The following LARGE1 variants were observed in gnomAD, a reference collection of about 807,000 sequenced individuals.
LARGE1 encodes the protein LARGE xylosyl- and glucuronyltransferase 1.
A neutral mutation model predicts 87.6 loss-of-function variants in LARGE1; 43 were observed. The observed-to-expected ratio is 0.49, with a 90% CI of 0.38 to 0.63. The LOEUF (loss-of-function observed/expected upper bound fraction) is 0.63. LARGE1 is among the 30% of genes least tolerant of loss of function. The pLI is 0.00. For synonymous variants in LARGE1, 434 were observed against 394.6 expected, an observed-to-expected ratio of 1.10 and a Z score of -1.18; for missense variants, 802 against 1,000.2, an observed-to-expected ratio of 0.80 and a Z score of 2.67.
At position 33,841,473 on chromosome 22, in the gene LARGE1, G is replaced by A. The variant is rs1416957157; in HGVS notation, c.-83+78522C>T. 3.3e-5 allele frequency among the ~76,000 whole-genome samples: 5 copies of A among 152,178 alleles called. 1 individual carries two copies. In the South Asian group the frequency reaches 8.3e-4, roughly 25 times the overall value. On this transcript the variant is annotated intron_variant, in intron 1 of 14. Coordinates refer to ENST00000397394, the MANE Select transcript of LARGE1 (RefSeq NM_133642.5). ...ATCCACACGGACTTCATACTCAGATGCCATGCAGTAGCAAGACAGCTACTA... is the reference window on the plus strand; with the variant it reads ...ATCCACACGGACTTCATACTCAGATACCATGCAGTAGCAAGACAGCTACTA...
intron 11 of LARGE1, among the ~76,000 whole-genome samples, chr22:33,196,049 C>T (rs1006240766): frequency 6.6e-6 from 1 of 150,570 alleles, no homozygotes; most frequent in African/African-American, 2.4e-5. Context: ...TGAGCCACCA[C>T]ACCTGGCCTA....
intron 11 of LARGE1, among the ~76,000 whole-genome samples, chr22:33,235,426 A>T (rs1926204817): frequency 6.6e-6 from 1 of 152,206 alleles, no homozygotes; most frequent in Non-Finnish European, 1.5e-5. Context: ...ATTTGGACAA[A>T]AGGAAGAGTT....
intron 7 of LARGE1, among the ~76,000 whole-genome samples, chr22:33,414,037 A>G (rs1569142967): frequency 6.6e-6 from 1 of 152,168 alleles, no homozygotes; most frequent in South Asian, 2.1e-4. Flanking sequence ...TCTGATCTCA[A>G]TTCTTTTGGA....
chr22:33,757,490 GCTC>G (rs2084561498), intron 2 of LARGE1, among the ~76,000 whole-genome samples: 1 of 152,142 alleles, frequency 6.6e-6, no homozygotes, highest in Admixed American at 6.5e-5. Flanking sequence ...AGATCATCCA[GCTC>G]CTCTGGCTGA....
chr22:33,273,602 G>A lies in LARGE1; in HGVS notation c.*825C>T. On this transcript the variant is annotated 3_prime_UTR_variant, in exon 15 of 15. Transcript: ENST00000397394. ...CGCTATAGCCCCTGGATTCTGGAGA[G>A]TAGGGAGTTCAAAGTCACGGGAGCC... The A allele has an allele frequency of 5.0e-6, 2 of 398,800 alleles. No individual in the cohort carries two copies. Among genetic ancestry groups the A allele is most frequent in the Non-Finnish European group, 8.8e-6 (2 of 226,256 alleles). 24.7% of individuals were successfully genotyped at this position (398,800 alleles called of 1,614,324 possible).
rs1410598713 is a variant in LARGE1 at position 33,785,253 on chromosome 22, G to GTGTATA, written c.-82-23696_-82-23695insTATACA. On this transcript the variant is annotated intron_variant, in intron 1 of 14. Coordinates refer to ENST00000397394, the MANE Select transcript of LARGE1 (RefSeq NM_133642.5). ...TGTATACATACATATGTGTATATAT[G>GTGTATA]CATGTGTATATGTGCATATGTGTAT... Among the ~76,000 whole-genome samples the GTGTATA allele has an allele frequency of 7.5e-5, 11 of 146,444 alleles. No homozygotes were observed. In the East Asian group the frequency reaches 1.6e-3, roughly 22 times the overall value.
Position 33,304,315 on chromosome 22 carries a change from G to A in LARGE1, c.1644C>T (p.Asn548=), listed in dbSNP as rs113253213. 500 of 1,614,282 alleles carry A rather than the reference G, an allele frequency of 3.1e-4. No individual in the cohort carries two copies. The African/African-American group carries it at 5.4e-3, about 17-fold the overall frequency. ...GAGTGCTGATGTGCTTCATGGCCAC[G>A]TTGCGCAGCAGGTTCACGGGGTAGA... The part of the protein sequence containing the change: ...GQFYPVNLLR[N]VAMKHISTPY... Residue 548 remains asparagine, a synonymous_variant, in exon 12 of 15, where the codon AAC becomes AAT. Transcript: ENST00000397394.
chr22:33,880,372 A>G (rs567172995), intron 1 of LARGE1, among the ~76,000 whole-genome samples: 1 of 152,366 alleles, frequency 6.6e-6, no homozygotes, highest in East Asian at 1.9e-4. Context: ...TCATTTGAAC[A>G]TTCTAACTAT....
intron 6 of LARGE1, among the ~76,000 whole-genome samples, chr22:33,438,329 A>C (rs1194367107): frequency 6.6e-6 from 1 of 152,102 alleles, no homozygotes; most frequent in Non-Finnish European, 1.5e-5. Context: ...CTTGGGAGTT[A>C]TTGTAATAAA....
intron 11 of LARGE1, among the ~76,000 whole-genome samples, chr22:33,237,504 G>GA (rs1006806723): frequency 8.9e-4 from 130 of 145,500 alleles, no homozygotes; most frequent in African/African-American, 1.7e-3. Context: ...TACTCCCCCT[G>GA]AAAAAAAAAA....
chr22:33,883,720 C>T (rs976020017), intron 1 of LARGE1, among the ~76,000 whole-genome samples: 1 of 152,250 alleles, frequency 6.6e-6, no homozygotes, highest in African/African-American at 2.4e-5. Context: ...GGCCTCGGCT[C>T]TTTCCCCAGA....
intron 2 of LARGE1, among the ~76,000 whole-genome samples, chr22:33,686,072 CA>C (rs1569370612): frequency 6.6e-6 from 1 of 151,992 alleles, no homozygotes; most frequent in African/African-American, 2.4e-5. Flanking sequence ...ACTGAGAGTT[CA>C]AAAAAATGCA....
intron 1 of LARGE1, among the ~76,000 whole-genome samples, chr22:33,850,200 C>T (rs575448878): frequency 1.3e-5 from 2 of 152,264 alleles, no homozygotes; most frequent in African/African-American, 4.8e-5. Context: ...TCGGGCCACA[C>T]CCAGGCCCTA....
In LARGE1 at chr22:33,530,361, A is replaced by G. The variant is rs149166809; in HGVS notation, c.787+34487T>C. On this transcript the variant is annotated intron_variant, in intron 6 of 14. Transcript: ENST00000397394. ...TTGCAGCCAAAAGCTCTCCTAACTG[A>G]GATTATATAAATAACATCTGGCCCA... Among the ~76,000 whole-genome samples, 776 of 152,138 alleles carry G rather than the reference A, an allele frequency of 5.1e-3. 2 individuals are homozygous for G. The highest frequency in any genetic ancestry group is 7.2e-3 in the Non-Finnish European group (492 of 68,004).
chr22:33,389,889 A>G (rs2065456138), intron 7 of LARGE1, among the ~76,000 whole-genome samples: 1 of 121,272 alleles, frequency 8.2e-6, no homozygotes, highest in Non-Finnish European at 1.7e-5. Flanking sequence ...CAACCAACCA[A>G]CCAAACAAAA....
chr22:33,703,457 G>T (rs968704228), intron 2 of LARGE1, among the ~76,000 whole-genome samples: 1 of 151,972 alleles, frequency 6.6e-6, no homozygotes, highest in Non-Finnish European at 1.5e-5. Flanking sequence ...CCTGAAATTT[G>T]TGAGTATCAC....
chr22:33,150,163 C>CAATGAG, the LARGE1 span, among the ~76,000 whole-genome samples: 2 of 152,214 alleles, frequency 1.3e-5, no homozygotes, highest in Non-Finnish European at 2.9e-5. Context: ...ACCAGATCAC[C>CAATGAG]ACATCCAGAC....
chr22:33,378,417 T>C (rs895438406), intron 9 of LARGE1, among the ~76,000 whole-genome samples: 5 of 152,200 alleles, frequency 3.3e-5, no homozygotes, highest in Non-Finnish European at 7.3e-5. Flanking sequence ...AGGATAATAC[T>C]CTTTGTGGAT....
At chr22:33,903,000 C>T (rs569543190) in intron 1 of LARGE1, among the ~76,000 whole-genome samples, 1 of 152,076 alleles carries the variant, frequency 6.6e-6, no homozygotes, top group Non-Finnish European at 1.5e-5. Context: ...GGCACAGTGG[C>T]GAGTGCCTGT....
Sources: gnomAD v4.1 joint callset for allele counts (sites outside exome capture counted in the v4.1 genomes callset) on GRCh38, gnomAD v4.1.1 for gene constraint, MANE v1.5 for transcripts, NCBI Gene and HGNC (gene_info 2026-07-23, HGNC 2026-07-21) for gene names.